CRB1: variants seen among roughly 807,000 people sequenced by gnomAD.
CRB1 encodes the protein protein crumbs homolog 1.
CRB1 carries 83 observed loss-of-function variants against 120.0 expected under a neutral mutation model. That is an observed-to-expected ratio of 0.69 (90% CI 0.58 to 0.83). The LOEUF (loss-of-function observed/expected upper bound fraction) is 0.83. CRB1 is among the 40% of genes least tolerant of loss of function. The probability of loss-of-function intolerance (pLI) is 0.00; values close to 1 mark genes in which losing one functional copy is unlikely to be tolerated. For missense variants in CRB1, 1,699 were observed against 1,687.6 expected (o/e 1.01, Z -0.12); for synonymous variants, 625 against 612.5 (o/e 1.02, Z -0.30).
chr1:197,254,726 T>G, the CRB1 span, among the ~76,000 whole-genome samples: 1 of 152,120 alleles, frequency 6.6e-6, no homozygotes, highest in African/African-American at 2.4e-5. Context: ...AATTATAGGC[T>G]TTGAATAAAG....
In CRB1 at chr1:197,427,404, C is replaced by T. The variant is rs1571538258; in HGVS notation, c.2129-50C>T. ...CTTCCATCCCTTCTGTCTTTTGAGC[C>T]TTAAGATGTTTCTTTTTTTTTCTCC... On this transcript the variant is annotated intron_variant, in intron 6 of 11. Transcript: ENST00000367400. 1.9e-6 allele frequency: 3 copies of T among 1,564,600 alleles called. No homozygotes were observed. The East Asian group carries it at 6.7e-5, about 35-fold the overall frequency.
At chr1:197,444,796 A>G (rs990360716) in intron 11 of CRB1, 1 of 152,152 alleles carries the variant, frequency 6.6e-6, no homozygotes, top group African/African-American at 2.4e-5. Context: ...ATATTTGCAC[A>G]GAAAAATAAA....
chr1:197,442,357 A>T (rs1665493700), intron 11 of CRB1, 65 bp downstream of exon 11: 1 of 1,612,024 alleles, frequency 6.2e-7, no homozygotes. Context: ...CTTCTTTCTT[A>T]CCTCATTTTG....
chr1:197,331,761 CTT>C (rs1419473097), intron 2 of CRB1, among the ~76,000 whole-genome samples: 17 of 152,060 alleles, frequency 1.1e-4, no homozygotes, highest in African/African-American at 4.1e-4. Context: ...GTGTAATAGT[CTT>C]ATATTTGTAA....
chr1:197,241,284 G>C, the CRB1 span, among the ~76,000 whole-genome samples: 2 of 152,168 alleles, frequency 1.3e-5, no homozygotes, highest in East Asian at 3.8e-4. Flanking sequence ...CCATGCCTAC[G>C]TCCTGAATGG....
chr1:197,409,270 A>T lies in CRB1; in HGVS notation c.1172-11730A>T, dbSNP rs555937229. On this transcript the variant is annotated intron_variant, in intron 5 of 11. Coordinates refer to ENST00000367400, the MANE Select transcript of CRB1 (RefSeq NM_201253.3). ...CAAAATAAGTTACCAACATAGTAAC[A>T]CCACATTTTTCTGATATTAAGGTTG... 5.9e-5 allele frequency among the ~76,000 whole-genome samples: 9 copies of T among 152,356 alleles called. No homozygotes were observed. In the South Asian group the frequency reaches 1.9e-3, roughly 32 times the overall value.
At chr1:197,342,815 G>A (rs1470783593) in intron 2 of CRB1, among the ~76,000 whole-genome samples, 1 of 152,154 alleles carries the variant, frequency 6.6e-6, no homozygotes, top group Admixed American at 6.5e-5. Flanking sequence ...AGCATTTACT[G>A]TATCCAACCT....
At chr1:197,339,656 G>A (rs888134140) in intron 2 of CRB1, among the ~76,000 whole-genome samples, 12 of 152,112 alleles carry the variant, frequency 7.9e-5, no homozygotes, top group Admixed American at 6.6e-4. Flanking sequence ...TGAAGACAGC[G>A]TCAAAGTCAA....
chr1:197,264,488 A>C (rs1654587850), upstream of CRB1, among the ~76,000 whole-genome samples: 4 of 152,136 alleles, frequency 2.6e-5, no homozygotes, highest in South Asian at 8.3e-4. Flanking sequence ...GGGTAGCTAC[A>C]CAGTAATGGG....
At chr1:197,405,835 A>C (rs1571488477) in intron 5 of CRB1, among the ~76,000 whole-genome samples, 1 of 141,238 alleles carries the variant, frequency 7.1e-6, no homozygotes. Context: ...GAGCCCCTCC[A>C]CCTGGCAGCC....
chr1:197,391,182 A>G (rs1662488409), intron 5 of CRB1, among the ~76,000 whole-genome samples: 1 of 152,140 alleles, frequency 6.6e-6, no homozygotes, highest in African/African-American at 2.4e-5. Flanking sequence ...CATCAAACAG[A>G]CAACATTCTG....
At chr1:197,213,348 A>G in the CRB1 span, among the ~76,000 whole-genome samples, 7 of 152,218 alleles carry the variant, frequency 4.6e-5, no homozygotes, top group African/African-American at 1.7e-4. Flanking sequence ...AAGAGTCACA[A>G]AAAGATATCC....
At chr1:197,452,418 C>CA (rs1158041655) in intron 11 of CRB1, among the ~76,000 whole-genome samples, 1 of 152,116 alleles carries the variant, frequency 6.6e-6, no homozygotes. Flanking sequence ...TGACGAATAT[C>CA]AATTGTCATT....
intron 5 of CRB1, among the ~76,000 whole-genome samples, chr1:197,367,912 G>C (rs528402457): frequency 7.9e-5 from 12 of 152,306 alleles, no homozygotes; most frequent in Admixed American, 2.0e-4. Flanking sequence ...ACCCCGATGA[G>C]AGCCACCTGG....
the CRB1 span, among the ~76,000 whole-genome samples, chr1:197,241,210 T>G: frequency 6.6e-6 from 1 of 152,222 alleles, no homozygotes; most frequent in Non-Finnish European, 1.5e-5. Flanking sequence ...TTTAATTGGA[T>G]CTTATTTGTC....
intron 10 of CRB1, chr1:197,440,243 A>T (rs1665368569): frequency 6.6e-6 from 1 of 152,194 alleles, no homozygotes; most frequent in Admixed American, 6.5e-5. Context: ...AAAACCCTGG[A>T]TTATTTTTCT....
chr1:197,397,535 A>T (rs1248961928), intron 5 of CRB1, among the ~76,000 whole-genome samples: 2 of 152,174 alleles, frequency 1.3e-5, no homozygotes, highest in Non-Finnish European at 2.9e-5. Flanking sequence ...TTCTTTACTC[A>T]TAATTTCGAA....
the CRB1 span, among the ~76,000 whole-genome samples, chr1:197,232,461 G>A: frequency 6.6e-6 from 1 of 152,160 alleles, no homozygotes; most frequent in Non-Finnish European, 1.5e-5. Flanking sequence ...TTGAGTGGTA[G>A]TCAGCAGATG....
chr1:197,289,738 A>G (rs548630893), intron 1 of CRB1, among the ~76,000 whole-genome samples: 6 of 151,812 alleles, frequency 4.0e-5, no homozygotes, highest in South Asian at 2.1e-4. Flanking sequence ...AATATGCTCT[A>G]ATTTGTTGAT....
Sources: gnomAD v4.1 joint callset for allele counts (sites outside exome capture counted in the v4.1 genomes callset) on GRCh38, gnomAD v4.1.1 for gene constraint, MANE v1.5 for transcripts, NCBI Gene and HGNC (gene_info 2026-07-23, HGNC 2026-07-21) for gene names.